Variants in FAAP20 observed in about 807,000 individuals in gnomAD.
The protein encoded by FAAP20 is Fanconi anemia core complex-associated protein 20.
A neutral mutation model predicts 16.2 loss-of-function variants in FAAP20; 12 were observed. The ratio of observed to expected loss-of-function variants is 0.74; its 90% CI spans 0.48 to 1.20. The LOEUF is 1.20. FAAP20 is among the 50% of genes most tolerant of loss of function. The probability of loss-of-function intolerance (pLI) is 0.00; values close to 1 mark genes in which losing one functional copy is unlikely to be tolerated. For missense variants in FAAP20, 288 were observed against 245.8 expected (o/e 1.17, Z -1.15); for synonymous variants, 141 against 110.7 (o/e 1.27, Z -1.72).
chr1:2,208,741 A>G (rs1023419065), downstream of FAAP20, among the ~76,000 whole-genome samples: 1 of 152,192 alleles, frequency 6.6e-6, no homozygotes, highest in Non-Finnish European at 1.5e-5. Flanking sequence ...GGGGCCAGCC[A>G]GGGGCCCCAG....
chr1:2,192,101 A>G, intron 3 of FAAP20: 1 of 985,574 alleles, frequency 1.0e-6, no homozygotes, highest in Non-Finnish European at 1.2e-6. Context: ...GCGACGGTTC[A>G]AGACCAAGTC....
upstream of FAAP20, among the ~76,000 whole-genome samples, chr1:2,204,396 C>T (rs1243901595): frequency 6.6e-6 from 1 of 152,254 alleles, no homozygotes; most frequent in Non-Finnish European, 1.5e-5. Flanking sequence ...GCCCTGGGGA[C>T]GGTCAGTTCT....
chr1:2,212,705 C>T (rs951774434), upstream of FAAP20: 5 of 287,944 alleles, frequency 1.7e-5, no homozygotes, highest in Non-Finnish European at 3.4e-5. Context: ...CTCTGAAAAG[C>T]GAGGCATCCA....
chr1:2,184,803 G>A (rs754484543), downstream of FAAP20: 33 of 1,380,070 alleles, frequency 2.4e-5, no homozygotes, highest in Middle Eastern at 3.6e-4. Flanking sequence ...AGTCCCACCC[G>A]CCTGGTGTCA....
chr1:2,186,596 G>C (rs759770764), downstream of FAAP20, among the ~76,000 whole-genome samples: 15 of 145,612 alleles, frequency 1.0e-4, no homozygotes, highest in Non-Finnish European at 2.1e-4. Context: ...AAGACGGAAA[G>C]TTAGAAACCC....
chr1:2,202,147 G>T (rs1689076181), upstream of FAAP20, among the ~76,000 whole-genome samples: 1 of 152,178 alleles, frequency 6.6e-6, no homozygotes, highest in South Asian at 2.1e-4. Context: ...GGAGAACCAG[G>T]CTCCAGGAGG....
chr1:2,194,192 G>A, intron 1 of FAAP20, 59 bp from the exon 2 acceptor site: 2 of 1,594,486 alleles, frequency 1.3e-6, no homozygotes, highest in East Asian at 2.3e-5. Context: ...CTATGGTGGG[G>A]AGACCCGGGA....
chr1:2,193,199 T>A (rs542490139), intron 3 of FAAP20: 17 of 318,288 alleles, frequency 5.3e-5, no homozygotes, highest in Middle Eastern at 1.1e-3. Flanking sequence ...CATTCCCCTT[T>A]ACTTAAAAAA....
chr1:2,189,943 A>T, intron 3 of FAAP20, 162 bp from the exon 4 acceptor site: 1 of 653,938 alleles, frequency 1.5e-6, no homozygotes, highest in Non-Finnish European at 2.8e-6. Context: ...CACCCGGCAG[A>T]CCACGGTAAC....
chr1:2,211,490 A>G (rs1171871636), downstream of FAAP20, among the ~76,000 whole-genome samples: 3 of 96,488 alleles, frequency 3.1e-5, no homozygotes, highest in African/African-American at 1.4e-4. Context: ...TCTGTTGCCT[A>G]GGCTGAAGTG....
chr1:2,194,144 CAG>C lies in FAAP20; in HGVS notation c.63-13_63-12del. On this transcript the variant is annotated splice_polypyrimidine_tract_variant and intron_variant, in intron 1 of 3. Coordinates refer to ENST00000378546, the MANE Select transcript of FAAP20 (RefSeq NM_182533.4). Reference sequence around the variant, plus strand: ...CGGCCGCCAGAAGGCCTGGGGCAGACAGAGAGGGCAGACAGGGGGTACTCAGT... The same window carrying C: ...CGGCCGCCAGAAGGCCTGGGGCAGACAGAGGGCAGACAGGGGGTACTCAGT... The C allele has an allele frequency of 6.2e-7, 1 of 1,611,198 alleles. No individual in the cohort carries two copies. Among genetic ancestry groups the C allele is most frequent in the Non-Finnish European group, 8.5e-7 (1 of 1,179,552 alleles).
chr1:2,192,396 G>A (rs1033251118), intron 3 of FAAP20: 52 of 994,140 alleles, frequency 5.2e-5, no homozygotes, highest in Non-Finnish European at 6.1e-5. Context: ...AAAAATTGAG[G>A]CAGTCTGCCA....
upstream of FAAP20, chr1:2,203,932 T>G (rs1230429432): frequency 6.6e-6 from 1 of 152,430 alleles, no homozygotes; most frequent in Non-Finnish European, 1.5e-5. Context: ...CCGGTGGGGT[T>G]GGGGAGGACT....
At chr1:2,192,592 G>A (rs745438526) in intron 3 of FAAP20, 151 of 1,078,712 alleles carry the variant, frequency 1.4e-4, no homozygotes, top group Non-Finnish European at 1.7e-4. Context: ...CCAAGAGCAT[G>A]GATTTCTCCC....
At chr1:2,197,143 G>A (rs1429234967), upstream of FAAP20, among the ~76,000 whole-genome samples, 1 of 152,240 alleles carries the variant, frequency 6.6e-6, no homozygotes, top group East Asian at 1.9e-4. Flanking sequence ...GGGAAACTCA[G>A]GCCCCTGCCC....
Position 2,189,753 on chromosome 1 carries a change from G to A in FAAP20, c.499C>T (p.Leu167=). The change falls in exon 4 of 4, where the codon CTG becomes TTG. Residue 167 remains leucine, a synonymous_variant. Coordinates refer to ENST00000378546, the MANE Select transcript of FAAP20 (RefSeq NM_182533.4). ...GTGCTTTCGGCCAAGCACTGGGCCA[G>A]GTGGCTGTCAACATCCAGCTGGGTC... ...RLTQLDVDSH[L]AQCLAESTED... 6.2e-7 allele frequency: 1 copy of A among 1,612,664 alleles called. No homozygotes were observed. The highest frequency in any genetic ancestry group is 8.5e-7 in the Non-Finnish European group (1 of 1,179,644).
upstream of FAAP20, among the ~76,000 whole-genome samples, chr1:2,204,373 C>G (rs1422178023): frequency 6.6e-6 from 1 of 152,260 alleles, no homozygotes; most frequent in Non-Finnish European, 1.5e-5. Flanking sequence ...GGATTTGCCC[C>G]CTTCTGGGAC....
upstream of FAAP20, among the ~76,000 whole-genome samples, chr1:2,195,294 T>C (rs1050624981): frequency 7.2e-5 from 11 of 152,282 alleles, no homozygotes; most frequent in Admixed American, 5.9e-4. Context: ...GCCAGGGCCC[T>C]GGGGGCAGCT....
At position 2,194,116 on chromosome 1, in the gene FAAP20, G is replaced by T; in HGVS notation, c.80C>A (p.Pro27His). ...CTCATCACCCCCCAGGAGAAACCAG[G>T]GGCGGCCGCCAGAAGGCCTGGGGCA... ...RPAGGPSGGR[P>H]WFLLGGDERE... Residue 27 changes from proline to histidine, a missense_variant, in exon 2 of 4, where the codon CCC becomes CAC. Coordinates refer to ENST00000378546, the MANE Select transcript of FAAP20 (RefSeq NM_182533.4). 1 of 1,612,296 alleles carries T rather than the reference G, an allele frequency of 6.2e-7. No homozygotes were observed. Among genetic ancestry groups the T allele is most frequent in the Non-Finnish European group, 8.5e-7 (1 of 1,179,812 alleles).
Sources: gnomAD v4.1 joint callset for allele counts (sites outside exome capture counted in the v4.1 genomes callset) on GRCh38, gnomAD v4.1.1 for gene constraint, MANE v1.5 for transcripts, NCBI Gene and HGNC (gene_info 2026-07-23, HGNC 2026-07-21) for gene names.